ABTB2: variants seen among roughly 807,000 people sequenced by gnomAD.
ABTB2 encodes the protein ankyrin repeat and BTB domain containing 2.
In ABTB2, 56 loss-of-function variants were observed where a neutral mutation model predicts 104.1. The observed-to-expected ratio is 0.54, with a 90% CI of 0.43 to 0.67. The LOEUF is 0.67. Among genes scored for constraint, ABTB2 ranks in the 30% least tolerant of loss-of-function variants. The probability of loss-of-function intolerance (pLI) is 0.00; values close to 1 mark genes in which losing one functional copy is unlikely to be tolerated. For synonymous variants in ABTB2, 606 were observed against 608.2 expected, an observed-to-expected ratio of 1.00 and a Z score of 0.05; for missense variants, 1,279 against 1,407.7, an observed-to-expected ratio of 0.91 and a Z score of 1.46.
chr11:34,266,113 C>T (rs1320007568), intron 1 of ABTB2, among the ~76,000 whole-genome samples: 1 of 152,186 alleles, frequency 6.6e-6, no homozygotes. Flanking sequence ...GACAGGGTCT[C>T]ACTCTGTCAC....
intron 1 of ABTB2, among the ~76,000 whole-genome samples, chr11:34,299,279 T>C (rs1224711932): frequency 6.6e-6 from 1 of 152,204 alleles, no homozygotes; most frequent in Non-Finnish European, 1.5e-5. Context: ...AAATAAGCTG[T>C]CTTCGGATCA....
intron 2 of ABTB2, 93 bp from the exon 3 acceptor site, chr11:34,197,631 G>C (rs1399488603): frequency 4.2e-6 from 4 of 946,474 alleles, no homozygotes; most frequent in Non-Finnish European, 6.2e-6. Flanking sequence ...GATGTTCCTG[G>C]CTGAAGCTCC....
At chr11:34,353,790 A>G (rs903568192) in intron 1 of ABTB2, among the ~76,000 whole-genome samples, 1 of 152,262 alleles carries the variant, frequency 6.6e-6, no homozygotes, top group African/African-American at 2.4e-5. Context: ...ATTAGCAGGC[A>G]TATCAACAAT....
chr11:34,152,121 G>A lies in ABTB2; in HGVS notation c.*266C>T. ...GAGGGGAGAGCGACACCCCGGGGGA[G>A]TGCATGGCTGCCCTTGAGTTGCAAA... On this transcript the variant is annotated 3_prime_UTR_variant, in exon 17 of 17. Coordinates refer to ENST00000435224, the MANE Select transcript of ABTB2 (RefSeq NM_145804.3). The A allele has an allele frequency of 2.1e-6, 1 of 485,890 alleles. No individual in the cohort carries two copies. Among genetic ancestry groups the A allele is most frequent in the Non-Finnish European group, 3.8e-6 (1 of 264,742 alleles). 30.1% of individuals were successfully genotyped at this position (485,890 alleles called of 1,614,324 possible).
intron 1 of ABTB2, among the ~76,000 whole-genome samples, chr11:34,274,008 C>T (rs568540673): frequency 1.8e-3 from 272 of 148,900 alleles, no homozygotes; most frequent in African/African-American, 6.1e-3. Context: ...AAAAATTAGC[C>T]GGGCACGGTG....
Position 34,204,696 on chromosome 11 carries a change from G to A in ABTB2, c.884-6C>T. On this transcript the variant is annotated splice_region_variant and splice_polypyrimidine_tract_variant and intron_variant, in intron 1 of 16. Coordinates refer to ENST00000435224, the MANE Select transcript of ABTB2 (RefSeq NM_145804.3). Reference sequence around the variant, plus strand: ...TGCGGGGAGGGAGAGGACACCTATGGGGAAAGAAGGCAGACAGGTCACACT... The same window carrying A: ...TGCGGGGAGGGAGAGGACACCTATGAGGAAAGAAGGCAGACAGGTCACACT... 6.2e-7 allele frequency: 1 copy of A among 1,610,636 alleles called. No individual in the cohort carries two copies. The highest frequency in any genetic ancestry group is 8.5e-7 in the Non-Finnish European group (1 of 1,178,348).
At chr11:34,334,731 C>A (rs1368603121) in intron 1 of ABTB2, among the ~76,000 whole-genome samples, 1 of 151,568 alleles carries the variant, frequency 6.6e-6, no homozygotes, top group Admixed American at 6.6e-5. Context: ...ATTTACTGTG[C>A]CTGTAATGTA....
intron 1 of ABTB2, among the ~76,000 whole-genome samples, chr11:34,266,781 CCT>C (rs1241777006): frequency 2.0e-5 from 3 of 152,132 alleles, no homozygotes; most frequent in Admixed American, 1.3e-4. Context: ...TCCCCCACCC[CCT>C]GTGCCCTCTG....
chr11:34,153,491 C>T (rs1432839200), intron 16 of ABTB2, among the ~76,000 whole-genome samples: 1 of 152,154 alleles, frequency 6.6e-6, no homozygotes, highest in Admixed American at 6.5e-5. Flanking sequence ...GCCTCAGCCT[C>T]CTGAGCAACT....
intron 3 of ABTB2, among the ~76,000 whole-genome samples, chr11:34,183,689 C>T (rs749380002): frequency 6.6e-5 from 10 of 152,182 alleles, no homozygotes; most frequent in Non-Finnish European, 1.0e-4. Flanking sequence ...TGGTTTTGTA[C>T]GGTCTCTCCT....
intron 1 of ABTB2, among the ~76,000 whole-genome samples, chr11:34,306,236 A>ATTTTTTTTTTTTTTTTTTTTTTT (rs34872949): frequency 1.4e-5 from 1 of 71,960 alleles, no homozygotes; most frequent in African/African-American, 4.9e-5. Context: ...GGAAAGTTTG[A>ATTTTTTTTTTTTTTTTTTTTTTT]TTTTTTTTTT....
chr11:34,240,777 G>A (rs993214557), intron 1 of ABTB2, among the ~76,000 whole-genome samples: 3 of 96,430 alleles, frequency 3.1e-5, no homozygotes, highest in African/African-American at 1.1e-4. Flanking sequence ...AGTTTTTAGT[G>A]GAGAGGGGGG....
intron 1 of ABTB2, among the ~76,000 whole-genome samples, chr11:34,277,422 A>G (rs1450937318): frequency 1.3e-5 from 2 of 151,906 alleles, no homozygotes; most frequent in African/African-American, 4.8e-5. Context: ...TCTAGGAGTG[A>G]GTGGCTACAA....
intron 1 of ABTB2, among the ~76,000 whole-genome samples, chr11:34,250,923 A>G (rs1854048117): frequency 6.6e-6 from 1 of 152,242 alleles, no homozygotes; most frequent in African/African-American, 2.4e-5. Flanking sequence ...CAGAGAGGTT[A>G]AGTAACTTGC....
At chr11:34,328,069 T>C (rs2133115233) in intron 1 of ABTB2, among the ~76,000 whole-genome samples, 1 of 152,330 alleles carries the variant, frequency 6.6e-6, no homozygotes, top group Non-Finnish European at 1.5e-5. Context: ...AACTCCAGAA[T>C]AAAGATTTGG....
chr11:34,179,151 T>C (rs1473880321), intron 3 of ABTB2, among the ~76,000 whole-genome samples: 1 of 151,768 alleles, frequency 6.6e-6, no homozygotes. Flanking sequence ...TCTACGGATA[T>C]TGGCTGTATC....
chr11:34,256,775 C>CA (rs1177209610), intron 1 of ABTB2, among the ~76,000 whole-genome samples: 1 of 152,192 alleles, frequency 6.6e-6, no homozygotes, highest in Non-Finnish European at 1.5e-5. Context: ...TCTCAACACT[C>CA]ACGCTCTTTC....
At chr11:34,314,313 T>C (rs188723429) in intron 1 of ABTB2, among the ~76,000 whole-genome samples, 213 of 152,306 alleles carry the variant, frequency 1.4e-3, no homozygotes, top group African/African-American at 4.9e-3. Flanking sequence ...TTCTGCAACC[T>C]GTTCACTAAG....
In ABTB2 at chr11:34,193,745, G is replaced by A. The variant is rs112918426; in HGVS notation, c.1244+3580C>T. On this transcript the variant is annotated intron_variant, in intron 3 of 16. Coordinates refer to ENST00000435224, the MANE Select transcript of ABTB2 (RefSeq NM_145804.3). ...TTACAGGTGAGGAGCCTAAGGCATG[G>A]AAGGGCCCTCTGAGCCCAGGCCTCT... Among the ~76,000 whole-genome samples, 1,330 of 152,330 alleles carry A rather than the reference G, an allele frequency of 8.7e-3. 19 individuals carry two copies. The highest frequency in any genetic ancestry group is 0.03 in the African/African-American group (1,262 of 41,574).
Sources: allele counts gnomAD v4.1 joint callset (sites outside exome capture counted in the v4.1 genomes callset), GRCh38; gene constraint gnomAD v4.1.1; transcripts MANE v1.5; gene names NCBI Gene and HGNC (gene_info 2026-07-23, HGNC 2026-07-21).